GMDS: variants seen among roughly 807,000 people sequenced by gnomAD.
GMDS encodes GDP-mannose 4,6-dehydratase.
A neutral mutation model predicts 49.9 loss-of-function variants in GMDS; 20 were observed. The ratio of observed to expected loss-of-function variants is 0.40; its 90% CI spans 0.28 to 0.58. The LOEUF is 0.58. Among genes scored for constraint, GMDS ranks in the 20% least tolerant of loss-of-function variants. The probability of loss-of-function intolerance (pLI) is 0.42; values close to 1 mark genes in which losing one functional copy is unlikely to be tolerated. For missense variants in GMDS, 362 were observed against 481.4 expected, an observed-to-expected ratio of 0.75 and a Z score of 2.32; for synonymous variants, 177 against 178.6, an observed-to-expected ratio of 0.99 and a Z score of 0.07.
In GMDS at chr6:2,245,436, C is replaced by A. The variant is rs982771905; in HGVS notation, c.-14G>T. The A allele has an allele frequency of 2.1e-6, 3 of 1,446,392 alleles. No homozygotes were observed. The African/African-American group carries it at 4.5e-5, about 22-fold the overall frequency. 89.6% of individuals were successfully genotyped at this position (1,446,392 alleles called of 1,614,324 possible). On this transcript the variant is annotated 5_prime_UTR_variant, in exon 1 of 11. Transcript: ENST00000380815. ...TGCGTGTGCCATGTCCCGCGGCGGG[C>A]GTGCGGTCGGCGGCAGGGCGGAGCG...
At chr6:2,233,811 G>A (rs1781226859) in intron 1 of GMDS, among the ~76,000 whole-genome samples, 1 of 152,142 alleles carries the variant, frequency 6.6e-6, no homozygotes, top group Non-Finnish European at 1.5e-5. Flanking sequence ...GACAACAGAG[G>A]GAGACTCCAT....
chr6:2,002,453 T>TGTA (rs1283979330), intron 4 of GMDS, among the ~76,000 whole-genome samples: 2 of 152,196 alleles, frequency 1.3e-5, no homozygotes, highest in Non-Finnish European at 2.9e-5. Flanking sequence ...CTTTCTTACC[T>TGTA]TTACTGTTGA....
intron 4 of GMDS, among the ~76,000 whole-genome samples, chr6:1,997,782 G>A (rs1187138802): frequency 2.0e-5 from 3 of 152,070 alleles, no homozygotes; most frequent in Non-Finnish European, 4.4e-5. Flanking sequence ...AGTGCATCGA[G>A]GGGCACCTGC....
At position 1,732,455 on chromosome 6, in the gene GMDS, G is replaced by A. The variant is rs555610767; in HGVS notation, c.891-5943C>T. ...TCCAAAATTAAAACATAACAATTGA[G>A]TATTAAGAGAACGGAGGGATGGGTC... On this transcript the variant is annotated intron_variant, in intron 8 of 10. Transcript: ENST00000380815. 7.2e-5 allele frequency among the ~76,000 whole-genome samples: 11 copies of A among 152,314 alleles called. No individual in the cohort carries two copies. In the South Asian group the frequency reaches 2.3e-3, roughly 32 times the overall value.
At chr6:2,185,523 T>C (rs990213268) in intron 1 of GMDS, among the ~76,000 whole-genome samples, 1 of 152,196 alleles carries the variant, frequency 6.6e-6, no homozygotes, top group South Asian at 2.1e-4. Context: ...TCAACGAGTG[T>C]CTGGAGCCAA....
intron 6 of GMDS, among the ~76,000 whole-genome samples, chr6:1,945,667 C>A (rs77080836): frequency 0.17 from 25,858 of 151,980 alleles, 2,376 homozygotes; most frequent in Middle Eastern, 0.28. Flanking sequence ...TCCAGCCACT[C>A]GGGAGGCTGA....
chr6:2,031,143 G>A (rs192226951), intron 4 of GMDS, among the ~76,000 whole-genome samples: 3 of 152,322 alleles, frequency 2.0e-5, no homozygotes, highest in Admixed American at 1.3e-4. Context: ...ACATCCTGAT[G>A]CAGTAGTTCT....
chr6:1,791,379 C>T (rs1045966183), intron 7 of GMDS, among the ~76,000 whole-genome samples: 2 of 152,184 alleles, frequency 1.3e-5, no homozygotes, highest in Admixed American at 6.5e-5. Flanking sequence ...CTCTTCCTAG[C>T]TTATAGATGG....
chr6:2,001,724 A>G (rs890393999), intron 4 of GMDS, among the ~76,000 whole-genome samples: 6 of 152,184 alleles, frequency 3.9e-5, no homozygotes, highest in African/African-American at 1.4e-4. Flanking sequence ...ATGAGTCCAG[A>G]AAAAAACCCA....
chr6:1,778,464 G>A lies in GMDS; in HGVS notation c.772-35878C>T, dbSNP rs1226043685. ...TGTGCTGAGGAGTGGCCAAGGAACT[G>A]TGGAATTCAAGAGGAGGGGGCAGCC... On this transcript the variant is annotated intron_variant, in intron 7 of 10. Transcript: ENST00000380815. This position sits in a 1 kb window ranked among gnomAD's most constrained non-coding sequence, Gnocchi z 4.6. Among the ~76,000 whole-genome samples, 1 of 152,208 alleles carries A rather than the reference G, an allele frequency of 6.6e-6. No individual in the cohort carries two copies. Among genetic ancestry groups the A allele is most frequent in the African/African-American group, 2.4e-5 (1 of 41,446 alleles).
intron 2 of GMDS, among the ~76,000 whole-genome samples, chr6:2,121,087 A>C (rs1302783140): frequency 6.6e-6 from 1 of 152,206 alleles, no homozygotes; most frequent in Non-Finnish European, 1.5e-5. Flanking sequence ...AGAGGGGTTG[A>C]GTGACTTGCC....
chr6:1,887,943 G>T (rs1412678348), intron 7 of GMDS, among the ~76,000 whole-genome samples: 2 of 151,608 alleles, frequency 1.3e-5, no homozygotes, highest in African/African-American at 4.8e-5. Flanking sequence ...TAGTTTTTAG[G>T]TTTTTTTGTT....
intron 9 of GMDS, 122 bp from the exon 10 acceptor site, chr6:1,624,662 T>C (rs1762790088): frequency 1.5e-6 from 1 of 682,230 alleles, no homozygotes; most frequent in Non-Finnish European, 2.6e-6. Flanking sequence ...CGGGTTTCCC[T>C]GCTTTCGGTC....
At chr6:1,859,021 G>C (rs1049032241) in intron 7 of GMDS, among the ~76,000 whole-genome samples, 1 of 152,136 alleles carries the variant, frequency 6.6e-6, no homozygotes, top group Admixed American at 6.5e-5. Flanking sequence ...AGGATTCTCA[G>C]GTCTGAGGTG....
chr6:2,044,131 A>C (rs1769851793), intron 4 of GMDS, among the ~76,000 whole-genome samples: 1 of 152,218 alleles, frequency 6.6e-6, no homozygotes, highest in Non-Finnish European at 1.5e-5. Flanking sequence ...TAAATTGTTC[A>C]AACACTGTGA....
At chr6:1,999,952 ATGTAT>A (rs1561961530) in intron 4 of GMDS, among the ~76,000 whole-genome samples, 4 of 29,686 alleles carry the variant, frequency 1.3e-4, no homozygotes, top group Non-Finnish European at 2.7e-4. Context: ...AATATATAAT[ATGTAT>A]ATTATATATA....
intron 7 of GMDS, among the ~76,000 whole-genome samples, chr6:1,796,602 A>C (rs1769743561): frequency 6.6e-6 from 1 of 152,146 alleles, no homozygotes; most frequent in African/African-American, 2.4e-5. Flanking sequence ...CAACCCTCAA[A>C]ATTTATTTCA....
intron 9 of GMDS, among the ~76,000 whole-genome samples, chr6:1,683,767 G>T (rs1438540833): frequency 6.6e-6 from 1 of 152,194 alleles, no homozygotes; most frequent in African/African-American, 2.4e-5. Flanking sequence ...TTCATAACTC[G>T]TGAGATGAAG....
At chr6:1,738,509 C>A (rs1033912925) in intron 8 of GMDS, among the ~76,000 whole-genome samples, 2 of 152,140 alleles carry the variant, frequency 1.3e-5, no homozygotes, top group Non-Finnish European at 2.9e-5. Context: ...GAGAACATTA[C>A]AACGGATAAA....
Sources: gnomAD v4.1 joint callset for allele counts (sites outside exome capture counted in the v4.1 genomes callset) on GRCh38, gnomAD v4.1.1 for gene constraint, Gnocchi (gnomAD v3.1) non-coding constraint, MANE v1.5 for transcripts, NCBI Gene and HGNC (gene_info 2026-07-23, HGNC 2026-07-21) for gene names.